The following MYO7A variants were observed in gnomAD, a reference collection of about 807,000 sequenced individuals.
The protein encoded by MYO7A is myosin VIIA, also known as unconventional myosin-VIIa.
MYO7A carries 210 observed loss-of-function variants against 263.8 expected under a neutral mutation model. The ratio of observed to expected loss-of-function variants is 0.80; its 90% CI spans 0.71 to 0.89. The LOEUF is 0.89. MYO7A is among the 40% of genes least tolerant of loss of function. The pLI is 0.00. For missense variants in MYO7A, 2,820 were observed against 2,968.3 expected (o/e 0.95, Z 1.16); for synonymous variants, 1,239 against 1,197.3 (o/e 1.03, Z -0.72).
intron 15 of MYO7A, among the ~76,000 whole-genome samples, chr11:77,167,237 G>T (rs1447318157): frequency 6.6e-6 from 1 of 152,152 alleles, no homozygotes; most frequent in Non-Finnish European, 1.5e-5. Flanking sequence ...GAGGGGCAAG[G>T]CTTGCCCAGG....
Position 77,203,108 on chromosome 11 carries a change from A to G in MYO7A, c.5217A>G (p.Arg1739=). The G allele has an allele frequency of 1.3e-6, 2 of 1,549,368 alleles. No homozygotes were observed. Among genetic ancestry groups the G allele is most frequent in the Non-Finnish European group, 8.7e-7 (1 of 1,147,172 alleles). ...GCCGTGTCATGGTGTCCAAGGCCCG[A>G]GGCAAGGACCGGCTGTGGAGCCACA... ...TLSRVMVSKA[R]GKDRLWSHTR... The change falls in exon 38 of 49, where the codon CGA becomes CGG. Residue 1739 remains arginine (R), a synonymous_variant. Transcript: ENST00000409709.
At chr11:77,214,041 C>A in intron 48 of MYO7A, 62 bp downstream of exon 48, 1 of 1,606,446 alleles carries the variant, frequency 6.2e-7, no homozygotes, top group South Asian at 1.1e-5. Flanking sequence ...TAGCCAGCCT[C>A]CCAGGGCCTG....
chr11:77,182,727 G>T, intron 25 of MYO7A, 127 bp downstream of exon 25: 2 of 1,002,140 alleles, frequency 2.0e-6, no homozygotes, highest in Middle Eastern at 3.2e-4. Flanking sequence ...ACCGACCCCT[G>T]CCTGCCACCC....
rs754109987 is a variant in MYO7A, at chr11:77,192,247, G to A, written c.4121G>A (p.Gly1374Glu). 1 of 1,614,062 alleles carries A rather than the reference G, an allele frequency of 6.2e-7. No homozygotes were observed. The highest frequency in any genetic ancestry group is 8.5e-7 in the Non-Finnish European group (1 of 1,179,912). Residue 1374 changes from glycine to glutamate, a missense_variant, in exon 31 of 49, where the codon GGA (glycine) becomes GAA (glutamate). Physicochemically the swap from Gly to Glu is moderately conservative, Grantham distance 98. Coordinates refer to ENST00000409709, the MANE Select transcript of MYO7A (RefSeq NM_000260.4). ...TNLIYQQVVR[G>E]VKFGEYRCEK... ...CTCATCTACCAGCAGGTGGTGCGAG[G>A]AGTCAAGTTTGGGGAGTACAGGTGT...
chr11:77,156,684 G>A lies in MYO7A; in HGVS notation c.495G>A (p.Thr165=), dbSNP rs532833627. The A allele has an allele frequency of 5.3e-5, 86 of 1,613,812 alleles. No individual in the cohort carries two copies. Among genetic ancestry groups the A allele is most frequent in the African/African-American group, 6.7e-5 (5 of 74,908 alleles). ...IISGESGAGK[T]ESTKLILQFL... ...GTGGGGAATCTGGGGCCGGGAAGAC[G>A]GAGAGCACAAAGCTGATCCTGCAGT... Residue 165 remains threonine, a synonymous_variant, in exon 6 of 49, where the codon ACG becomes ACA. Coordinates refer to ENST00000409709, the MANE Select transcript of MYO7A (RefSeq NM_000260.4).
At chr11:77,149,904 C>T (rs1481616092) in intron 4 of MYO7A, among the ~76,000 whole-genome samples, 2 of 152,132 alleles carry the variant, frequency 1.3e-5, no homozygotes, top group Non-Finnish European at 2.9e-5. Context: ...GCCCAGGGCA[C>T]CCACCCGCCG....
chr11:77,200,155 T>C (rs114190792), intron 35 of MYO7A, among the ~76,000 whole-genome samples: 2,531 of 151,984 alleles, frequency 0.017, 59 homozygotes, highest in African/African-American at 0.057. Context: ...CCTGTAGTCA[T>C]AGCTCTTCAG....
rs1555064378 is a variant in MYO7A, at chr11:77,157,412, C to T, written c.849+20C>T. 3 of 1,565,522 alleles carry T rather than the reference C, an allele frequency of 1.9e-6. No homozygotes were observed. In the South Asian group the frequency reaches 3.5e-5, roughly 18 times the overall value. The stretch of plus-strand genomic sequence containing the variant: ...GCCATGGTGAGGCCCAGGTGGGCCC[C>T]TGGGTAGGGGGGCACCCACCCTAGG... On this transcript the variant is annotated intron_variant, in intron 8 of 48. Coordinates refer to ENST00000409709, the MANE Select transcript of MYO7A (RefSeq NM_000260.4).
chr11:77,210,205 A>G (rs189842402), intron 44 of MYO7A, among the ~76,000 whole-genome samples: 166 of 152,298 alleles, frequency 1.1e-3, no homozygotes, highest in African/African-American at 3.8e-3. Flanking sequence ...TGAGACTACA[A>G]GTTCCATGGA....
chr11:77,149,200 A>AGC (rs1458180207), intron 4 of MYO7A, among the ~76,000 whole-genome samples: 3 of 151,592 alleles, frequency 2.0e-5, no homozygotes, highest in Non-Finnish European at 4.4e-5. Context: ...AAAGGAAACC[A>AGC]AGGATGTGCA....
At chr11:77,140,057 T>C (rs1951112486) in intron 2 of MYO7A, among the ~76,000 whole-genome samples, 2 of 152,210 alleles carry the variant, frequency 1.3e-5, no homozygotes, top group South Asian at 2.1e-4. Context: ...GTTGTAGTCA[T>C]GTCTGTTTGC....
chr11:77,209,613 C>T (rs1475645424), intron 44 of MYO7A, among the ~76,000 whole-genome samples: 1 of 151,544 alleles, frequency 6.6e-6, no homozygotes, highest in African/African-American at 2.4e-5. Context: ...ATCTGCTCCT[C>T]CTGTCCCACG....
Position 77,198,978 on chromosome 11 carries a change from G to T in MYO7A, c.4568+357G>T, listed in dbSNP as rs141943609. On this transcript the variant is annotated intron_variant, in intron 34 of 48. Transcript: ENST00000409709. ...ACTTTTCTCGCATAACAGTGGTGGG[G>T]AATGAATGCAATAATAGATGGGAGA... is the stretch of plus-strand genomic sequence containing the variant. 4.6e-5 allele frequency among the ~76,000 whole-genome samples: 7 copies of T among 152,342 alleles called. No individual in the cohort carries two copies. The East Asian group carries it at 1.4e-3, about 29-fold the overall frequency.
In MYO7A at chr11:77,211,938, G is replaced by A; in HGVS notation, c.6354+1G>A. On this transcript the variant is annotated splice_donor_variant, in intron 46 of 48. Transcript: ENST00000409709. LOFTEE classifies it high-confidence loss of function. Reference sequence around the variant, plus strand: ...TGGCTCAGCCTTCTTCGAGGTGAAGGTACACCATGGGCTTCTCAGAGCAGA... The same window carrying A: ...TGGCTCAGCCTTCTTCGAGGTGAAGATACACCATGGGCTTCTCAGAGCAGA... 1 of 1,609,380 alleles carries A rather than the reference G, an allele frequency of 6.2e-7. No homozygotes were observed. The highest frequency in any genetic ancestry group is 2.2e-5 in the East Asian group (1 of 44,852).
Position 77,209,957 on chromosome 11 carries a change from C to T in MYO7A, c.6051+1154C>T, listed in dbSNP as rs576591843. On this transcript the variant is annotated intron_variant, in intron 44 of 48. Transcript: ENST00000409709. ...TCCTTCAGCTCAGCTGGATTGTTTC[C>T]GCTTCTCAAGTGTGCCACAGGGCCT... Among the ~76,000 whole-genome samples the T allele has an allele frequency of 2.0e-5, 3 of 152,292 alleles. No homozygotes were observed. In the South Asian group the frequency reaches 6.2e-4, roughly 32 times the overall value.
chr11:77,203,069 C>T lies in MYO7A; in HGVS notation c.5178C>T (p.Pro1726=). ...CCCTGTGCTGCGGCAGGCCCCCACC[C>T]AAGCACACGCTGAGCCGTGTCATGG... is the stretch of plus-strand genomic sequence containing the variant. ...EFSYDYFRPP[P]KHTLSRVMVS... Residue 1726 remains proline, a synonymous_variant, in exon 38 of 49, where the codon CCC becomes CCT. Transcript: ENST00000409709. 6.5e-7 allele frequency: 1 copy of T among 1,548,036 alleles called. No individual in the cohort carries two copies. The highest frequency in any genetic ancestry group is 2.0e-5 in the Admixed American group (1 of 50,992).
chr11:77,184,031 C>T (rs1181275921), intron 26 of MYO7A, among the ~76,000 whole-genome samples: 3 of 152,196 alleles, frequency 2.0e-5, no homozygotes, highest in African/African-American at 4.8e-5. Context: ...ACTCCTGCCG[C>T]TCGCCTCTCA....
chr11:77,208,240 C>G (rs1194990271), intron 42 of MYO7A, among the ~76,000 whole-genome samples, 190 bp from the exon 43 acceptor site: 2 of 152,192 alleles, frequency 1.3e-5, no homozygotes, highest in East Asian at 3.9e-4. Flanking sequence ...TCGCTCCCGG[C>G]AAGAAGTGGG....
intron 16 of MYO7A, 123 bp downstream of exon 16, chr11:77,173,008 A>T: frequency 7.4e-7 from 1 of 1,351,520 alleles, no homozygotes; most frequent in Non-Finnish European, 9.9e-7. Flanking sequence ...AATGGGGGGC[A>T]CCCCGGGAGC....
Sources: gnomAD v4.1 joint callset for allele counts (sites outside exome capture counted in the v4.1 genomes callset) on GRCh38, gnomAD v4.1.1 for gene constraint, MANE v1.5 for transcripts, NCBI Gene and HGNC (gene_info 2026-07-23, HGNC 2026-07-21) for gene names.